Variants in PIK3CD observed in about 807,000 individuals in gnomAD.
PIK3CD encodes the protein phosphatidylinositol-4,5-bisphosphate 3-kinase catalytic subunit delta.
In PIK3CD, 20 loss-of-function variants were observed where a neutral mutation model predicts 122.9. That is an observed-to-expected ratio of 0.16 (90% CI 0.11 to 0.24). The LOEUF (loss-of-function observed/expected upper bound fraction) is 0.24, where lower values mean the gene tolerates loss of function less well. Among genes scored for constraint, PIK3CD ranks in the 10% least tolerant of loss-of-function variants. The pLI is 1.00. For missense variants in PIK3CD, 787 were observed against 1,406.3 expected (o/e 0.56, Z 7.04); for synonymous variants, 596 against 593.4 (o/e 1.00, Z -0.06).
In PIK3CD at chr1:9,700,390, T is replaced by C. The variant is rs1646581707; in HGVS notation, c.-33+8819T>C. 6.6e-6 allele frequency among the ~76,000 whole-genome samples: 1 copy of C among 152,178 alleles called. No individual in the cohort carries two copies. The highest frequency in any genetic ancestry group is 2.4e-5 in the African/African-American group (1 of 41,444). ...GCGTGGTGTCCTGGCCAGAACCCCA[T>C]GTGCGGGAGGGCTCCGCTTTGCACA... On this transcript the variant is annotated intron_variant, in intron 2 of 23. Coordinates refer to ENST00000377346, the MANE Select transcript of PIK3CD (RefSeq NM_005026.5). The surrounding 1 kb of genome is among the most constrained non-coding windows in gnomAD (Gnocchi z 5.1).
At chr1:9,725,599 C>T (rs1649415268) in intron 23 of PIK3CD, among the ~76,000 whole-genome samples, 1 of 151,434 alleles carries the variant, frequency 6.6e-6, no homozygotes, top group South Asian at 2.1e-4. Context: ...TTTTTCCAGG[C>T]CGGGTGCGGT....
Position 9,720,329 on chromosome 1 carries a change from C to A in PIK3CD, c.1470+87C>A. 1 of 1,490,322 alleles carries A rather than the reference C, an allele frequency of 6.7e-7. No individual in the cohort carries two copies. The highest frequency in any genetic ancestry group is 1.4e-5 in the African/African-American group (1 of 71,874). The allele number at this position is 1,490,322 out of a possible 1,614,324, so 92.3% of individuals were successfully genotyped here. A position where few individuals can be genotyped will look rare whatever the true frequency, so the allele number is the denominator to read the frequency against. On this transcript the variant is annotated intron_variant, in intron 11 of 23. Transcript: ENST00000377346. The surrounding 1 kb of genome is among the most constrained non-coding windows in gnomAD (Gnocchi z 9.0). ...CCTGGAGCTCTTCAGAGGGTGCTCC[C>A]TGGCCACGTCGGGGCTGGGCTACCA...
the PIK3CD span, among the ~76,000 whole-genome samples, chr1:9,635,816 G>A: frequency 6.6e-6 from 1 of 152,216 alleles, no homozygotes; most frequent in Non-Finnish European, 1.5e-5. Flanking sequence ...TCCTAAAGGA[G>A]TCCTTCTGAT....
At position 9,721,162 on chromosome 1, in the gene PIK3CD, C is replaced by T. The variant is rs769231256; in HGVS notation, c.1725C>T (p.Pro575=). The T allele has an allele frequency of 1.1e-5, 18 of 1,612,888 alleles. No homozygotes were observed. The highest frequency in any genetic ancestry group is 4.5e-5 in the East Asian group (2 of 44,880). Residue 575 remains proline, a synonymous_variant, in exon 14 of 24, where the codon CCC becomes CCT. Coordinates refer to ENST00000377346, the MANE Select transcript of PIK3CD (RefSeq NM_005026.5). ...LYLLCSWPEL[P]VLSALELLDF... ...TGCTGTGCTCCTGGCCGGAGCTGCC[C>T]GTCCTGAGCGCCCTGGAGCTGCTAG...
chr1:9,636,960 C>G, the PIK3CD span, among the ~76,000 whole-genome samples: 69 of 151,880 alleles, frequency 4.5e-4, 1 homozygote, highest in Non-Finnish European at 2.4e-4. Context: ...TGCAGTGGCC[C>G]GATCTCGGCT....
rs1412266326 is a variant in PIK3CD at position 9,689,930 on chromosome 1, G to A, written c.-137-1537G>A. Among the ~76,000 whole-genome samples, 3 of 152,062 alleles carry A rather than the reference G, an allele frequency of 2.0e-5. No individual in the cohort carries two copies. The highest frequency in any genetic ancestry group is 1.5e-5 in the Non-Finnish European group (1 of 67,968). ...GCGGTGGGATTCTCAGCTATGGGCC[G>A]CGCGACGCTCTCCTCTCCTAATCTG... On this transcript the variant is annotated intron_variant, in intron 1 of 23. Transcript: ENST00000377346. The surrounding 1 kb of genome is among the most constrained non-coding windows in gnomAD (Gnocchi z 6.1).
chr1:9,637,560 T>G, the PIK3CD span, among the ~76,000 whole-genome samples: 1 of 151,516 alleles, frequency 6.6e-6, no homozygotes, highest in South Asian at 2.1e-4. Flanking sequence ...CTCTTCCAGT[T>G]CAGGTGGTCA....
chr1:9,698,205 C>T (rs1474722098), intron 2 of PIK3CD, among the ~76,000 whole-genome samples: 2 of 152,076 alleles, frequency 1.3e-5, no homozygotes, highest in East Asian at 1.9e-4. Flanking sequence ...TGCAATGGCA[C>T]GATCTCGGCT....
At chr1:9,684,226 G>A (rs1008245312) in intron 1 of PIK3CD, among the ~76,000 whole-genome samples, 1 of 152,004 alleles carries the variant, frequency 6.6e-6, no homozygotes, top group African/African-American at 2.4e-5. Context: ...CGTGCTTTTT[G>A]GCTGATACTT....
At chr1:9,662,398 C>A (rs931164807) in intron 1 of PIK3CD, 1 of 170,300 alleles carries the variant, frequency 5.9e-6, no homozygotes. Context: ...TTAGACTTTT[C>A]CCCCTGCACT....
In PIK3CD at chr1:9,726,486, G is replaced by A. The variant is rs991867412; in HGVS notation, c.2998-423G>A. ...ATCATGCCCCTGCACTCCAGCCTGG[G>A]CGACAGAGTGAGACTGTCTCAAAAA... is the stretch of plus-strand genomic sequence containing the variant. On this transcript the variant is annotated intron_variant, in intron 23 of 23. Transcript: ENST00000377346. Among the ~76,000 whole-genome samples, 8 of 152,218 alleles carry A rather than the reference G, an allele frequency of 5.3e-5. No homozygotes were observed. The South Asian group carries it at 6.2e-4, about 12-fold the overall frequency.
chr1:9,645,106 A>T, the PIK3CD span, among the ~76,000 whole-genome samples: 3 of 136,826 alleles, frequency 2.2e-5, no homozygotes, highest in Non-Finnish European at 4.6e-5. Flanking sequence ...GCTCACTGCC[A>T]CCTCCGCCTC....
the PIK3CD span, among the ~76,000 whole-genome samples, chr1:9,634,339 T>A: frequency 5.3e-5 from 8 of 152,046 alleles, no homozygotes; most frequent in African/African-American, 1.4e-4. Context: ...TTTTTGTATT[T>A]TTAGTAGACA....
chr1:9,685,624 G>T (rs994291336), intron 1 of PIK3CD, among the ~76,000 whole-genome samples: 1 of 152,134 alleles, frequency 6.6e-6, no homozygotes, highest in Non-Finnish European at 1.5e-5. Context: ...CTCCCAAAGT[G>T]CTGGGATTAC....
At chr1:9,628,321 T>A in the PIK3CD span, among the ~76,000 whole-genome samples, 7 of 151,854 alleles carry the variant, frequency 4.6e-5, no homozygotes, top group African/African-American at 1.7e-4. Context: ...GAAAGAAAAA[T>A]ACTCTTAGCG....
intron 2 of PIK3CD, among the ~76,000 whole-genome samples, chr1:9,693,274 G>T (rs993432680): frequency 1.3e-5 from 2 of 151,972 alleles, no homozygotes; most frequent in Non-Finnish European, 2.9e-5. Flanking sequence ...ACCCAGGCTG[G>T]AGTGCAGTGA....
At chr1:9,685,294 GT>G (rs1021341007) in intron 1 of PIK3CD, among the ~76,000 whole-genome samples, 1 of 151,856 alleles carries the variant, frequency 6.6e-6, no homozygotes, top group Non-Finnish European at 1.5e-5. Context: ...CATGTAACTG[GT>G]TTTTTTGTTT....
chr1:9,664,111 A>G (rs1487840958), intron 1 of PIK3CD, among the ~76,000 whole-genome samples: 1 of 135,604 alleles, frequency 7.4e-6, no homozygotes, highest in African/African-American at 2.8e-5. Context: ...GCGCAGTGGC[A>G]TATCTCAGCT....
chr1:9,679,451 C>T (rs1645666346), intron 1 of PIK3CD, among the ~76,000 whole-genome samples: 1 of 152,082 alleles, frequency 6.6e-6, no homozygotes, highest in Non-Finnish European at 1.5e-5. Context: ...CAGTCAGGCT[C>T]TCCCTGTGAA....
Sources: allele counts gnomAD v4.1 joint callset (sites outside exome capture counted in the v4.1 genomes callset), GRCh38; gene constraint gnomAD v4.1.1; non-coding constraint Gnocchi (gnomAD v3.1); transcripts MANE v1.5; gene names NCBI Gene and HGNC (gene_info 2026-07-23, HGNC 2026-07-21).